The following VEGFC variants were observed in gnomAD, a reference collection of about 807,000 sequenced individuals.
VEGFC encodes the protein vascular endothelial growth factor C, also known as FLT4 ligand DHM.
Under a neutral mutation model 46.1 loss-of-function variants are expected in VEGFC, and 12 were observed. The ratio of observed to expected loss-of-function variants is 0.26; its 90% confidence interval spans 0.17 to 0.42. VEGFC has a LOEUF of 0.42. Ranked by LOEUF, VEGFC falls within the 10% of genes least tolerant of loss-of-function variation. The pLI is 1.00. For missense variants in VEGFC, 488 were observed against 529.4 expected (o/e 0.92, Z 0.77); for synonymous variants, 232 against 195.5 (o/e 1.19, Z -1.56).
chr4:176,718,664 A>G (rs757015420), intron 3 of VEGFC, among the ~76,000 whole-genome samples: 11 of 152,136 alleles, frequency 7.2e-5, no homozygotes, highest in Non-Finnish European at 1.6e-4. Flanking sequence ...TTAGTCTGGC[A>G]CTAATGAACA....
At chr4:176,780,079 C>T (rs1735885485) in intron 1 of VEGFC, among the ~76,000 whole-genome samples, 1 of 152,100 alleles carries the variant, frequency 6.6e-6, no homozygotes, top group East Asian at 1.9e-4. Flanking sequence ...ACAGGGGTAT[C>T]TATTAAAACT....
chr4:176,778,255 T>A (rs1735848842), intron 1 of VEGFC, among the ~76,000 whole-genome samples: 1 of 152,200 alleles, frequency 6.6e-6, no homozygotes, highest in Admixed American at 6.5e-5. Flanking sequence ...TGCAGTTTCC[T>A]CACAATAGAC....
chr4:176,769,578 GC>G (rs1012223145), intron 1 of VEGFC, among the ~76,000 whole-genome samples: 4 of 152,080 alleles, frequency 2.6e-5, no homozygotes, highest in African/African-American at 9.7e-5. Flanking sequence ...CATCTGTGGG[GC>G]CTTTGGTCAC....
chr4:176,780,657 A>G (rs148241875), intron 1 of VEGFC, among the ~76,000 whole-genome samples: 18 of 152,320 alleles, frequency 1.2e-4, no homozygotes, highest in African/African-American at 4.3e-4. Context: ...TAATAAAGTT[A>G]AACTCAACAT....
At chr4:176,766,357 A>G (rs936578743) in intron 1 of VEGFC, among the ~76,000 whole-genome samples, 2 of 152,138 alleles carry the variant, frequency 1.3e-5, no homozygotes, top group African/African-American at 4.8e-5. Context: ...AGGCTGATGC[A>G]GGAGGATCAA....
intron 1 of VEGFC, among the ~76,000 whole-genome samples, chr4:176,757,696 C>G (rs1000580081): frequency 6.6e-6 from 1 of 151,838 alleles, no homozygotes; most frequent in Non-Finnish European, 1.5e-5. Context: ...GTTGAACATA[C>G]CGTCTGCTAG....
At chr4:176,700,793 GT>G (rs1178724537) in intron 4 of VEGFC, among the ~76,000 whole-genome samples, 2 of 152,082 alleles carry the variant, frequency 1.3e-5, no homozygotes, top group African/African-American at 2.4e-5. Flanking sequence ...AAGAAAAAAG[GT>G]CCTCCAACAA....
intron 3 of VEGFC, among the ~76,000 whole-genome samples, chr4:176,724,112 T>C (rs908365406): frequency 6.6e-6 from 1 of 152,202 alleles, no homozygotes; most frequent in African/African-American, 2.4e-5. Context: ...GCTAAATTGA[T>C]AGCATAAACG....
At chr4:176,704,547 T>C (rs1007260744) in intron 4 of VEGFC, among the ~76,000 whole-genome samples, 4 of 152,098 alleles carry the variant, frequency 2.6e-5, no homozygotes, top group African/African-American at 9.7e-5. Context: ...TCAAACGTCT[T>C]TTCCACCTCT....
chr4:176,741,578 T>C (rs1422045580), intron 1 of VEGFC, among the ~76,000 whole-genome samples: 1 of 151,930 alleles, frequency 6.6e-6, no homozygotes, highest in Non-Finnish European at 1.5e-5. Context: ...GTCTCTTTCA[T>C]CCTAAAACAC....
chr4:176,708,920 T>A (rs191206915), intron 4 of VEGFC, among the ~76,000 whole-genome samples: 715 of 152,314 alleles, frequency 4.7e-3, no homozygotes, highest in Non-Finnish European at 5.2e-3. Flanking sequence ...TTTACATCTT[T>A]ACAGTTTATA....
chr4:176,722,352 G>A (rs1278202761), intron 3 of VEGFC, among the ~76,000 whole-genome samples: 1 of 152,122 alleles, frequency 6.6e-6, no homozygotes, highest in Non-Finnish European at 1.5e-5. Context: ...GTGATCTAAA[G>A]TAGACAATTT....
rs574403226 is a variant in VEGFC at position 176,772,968 on chromosome 4, C to T, written c.147+19197G>A. 2.6e-5 allele frequency among the ~76,000 whole-genome samples: 4 copies of T among 152,278 alleles called. No individual in the cohort carries two copies. In the South Asian group the frequency reaches 8.3e-4, roughly 32 times the overall value. On this transcript the variant is annotated intron_variant, in intron 1 of 6. Coordinates refer to ENST00000618562, the MANE Select transcript of VEGFC (RefSeq NM_005429.5). ...ACCTACCCAAAGTACATTCATTCTC[C>T]TTTCCTTCTTTGTGAAAAGAATTTC...
At chr4:176,729,831 G>A in intron 1 of VEGFC, 85 bp from the exon 2 acceptor site, 1 of 1,003,522 alleles carries the variant, frequency 1.0e-6, no homozygotes, top group Non-Finnish European at 1.4e-6. Context: ...AGGTTTAATA[G>A]TATCTATGCT....
In VEGFC at chr4:176,792,436, C is replaced by T. The variant is rs920915959; in HGVS notation, c.-125G>A. On this transcript the variant is annotated 5_prime_UTR_variant, in exon 1 of 7. Transcript: ENST00000618562. This position sits in a 1 kb window ranked among gnomAD's most constrained non-coding sequence, Gnocchi z 6.3. The stretch of plus-strand genomic sequence containing the variant: ...CCCGGGCTCCTCCCGGCGACCCCCC[C>T]TGGGCGAGCCGGAGGCGGCGGGAGC... 1.9e-5 allele frequency: 14 copies of T among 720,592 alleles called. No homozygotes were observed. Among genetic ancestry groups the T allele is most frequent in the African/African-American group, 5.6e-5 (3 of 53,304 alleles). 44.6% of individuals were successfully genotyped at this position (720,592 alleles called of 1,614,324 possible).
chr4:176,740,120 C>A lies in VEGFC; in HGVS notation c.148-10374G>T, dbSNP rs1372147320. 4.8e-4 allele frequency among the ~76,000 whole-genome samples: 45 copies of A among 93,080 alleles called. 3 individuals are homozygous for A. The highest frequency in any genetic ancestry group is 1.4e-3 in the African/African-American group (40 of 28,134). 61.1% of individuals were successfully genotyped at this position (93,080 alleles called of 152,430 possible). On this transcript the variant is annotated intron_variant, in intron 1 of 6. Transcript: ENST00000618562. ...TATACATATATTCTATATATATATTCTATATATAGAATATATAACTATATA... is the reference window on the plus strand; with the variant it reads ...TATACATATATTCTATATATATATTATATATATAGAATATATAACTATATA...
chr4:176,687,802 A>T lies in VEGFC; in HGVS notation c.811+19T>A. ...TATAGACCCCTGGCGTTTAGTCTTTAAAGCATCATTCTGCTTACCATCTCC... is the reference window on the plus strand; with the variant it reads ...TATAGACCCCTGGCGTTTAGTCTTTTAAGCATCATTCTGCTTACCATCTCC... On this transcript the variant is annotated intron_variant, in intron 5 of 6. Transcript: ENST00000618562. The T allele has an allele frequency of 1.3e-6, 2 of 1,566,650 alleles. No homozygotes were observed. Among genetic ancestry groups the T allele is most frequent in the Non-Finnish European group, 1.8e-6 (2 of 1,140,782 alleles).
intron 1 of VEGFC, among the ~76,000 whole-genome samples, chr4:176,749,804 C>T (rs1735312437): frequency 1.3e-5 from 2 of 151,682 alleles, no homozygotes; most frequent in African/African-American, 4.8e-5. Flanking sequence ...GAGTCTCTTA[C>T]ATGATTTTTT....
At chr4:176,783,913 C>G (rs1394948823) in intron 1 of VEGFC, among the ~76,000 whole-genome samples, 1 of 152,094 alleles carries the variant, frequency 6.6e-6, no homozygotes, top group African/African-American at 2.4e-5. Flanking sequence ...TGAAGAATCA[C>G]AGTTATGTCA....
Sources: allele counts gnomAD v4.1 joint callset (sites outside exome capture counted in the v4.1 genomes callset), GRCh38; gene constraint gnomAD v4.1.1; non-coding constraint Gnocchi (gnomAD v3.1); transcripts MANE v1.5; gene names NCBI Gene and HGNC (gene_info 2026-07-23, HGNC 2026-07-21).